The following CCDC148 variants were observed in gnomAD, a reference collection of about 807,000 sequenced individuals.
The protein encoded by CCDC148 is coiled-coil domain containing 148.
Under a neutral mutation model 85.7 loss-of-function variants are expected in CCDC148, and 89 were observed. The ratio of observed to expected loss-of-function variants is 1.04; its 90% CI spans 0.87 to 1.24. CCDC148 has a LOEUF of 1.24. Among genes scored for constraint, CCDC148 ranks in the 50% most tolerant of loss-of-function variants. CCDC148 has a pLI of 0.00. For missense variants in CCDC148, 692 were observed against 671.7 expected (o/e 1.03, Z -0.33); for synonymous variants, 230 against 213.9 (o/e 1.08, Z -0.66).
chr2:158,434,955 C>T (rs1181473370), intron 1 of CCDC148, among the ~76,000 whole-genome samples: 1 of 152,116 alleles, frequency 6.6e-6, no homozygotes, highest in Non-Finnish European at 1.5e-5. Context: ...TGAACAAAGC[C>T]TCCAAGAAAT....
intron 11 of CCDC148, among the ~76,000 whole-genome samples, chr2:158,188,793 T>C (rs113492088): frequency 1.3e-5 from 2 of 151,928 alleles, no homozygotes; most frequent in African/African-American, 4.8e-5. Flanking sequence ...TCTCAACAGA[T>C]TGAACAGACA....
chr2:158,191,721 A>T (rs774630486), intron 11 of CCDC148, among the ~76,000 whole-genome samples: 9 of 152,006 alleles, frequency 5.9e-5, no homozygotes, highest in Non-Finnish European at 1.2e-4. Context: ...TGACTCTGCC[A>T]AGTCACACCT....
At chr2:158,400,430 A>C (rs1574755621) in intron 1 of CCDC148, among the ~76,000 whole-genome samples, 1 of 152,198 alleles carries the variant, frequency 6.6e-6, no homozygotes, top group Non-Finnish European at 1.5e-5. Context: ...CTGATCTTTG[A>C]CAAACCTGAC....
intron 9 of CCDC148, among the ~76,000 whole-genome samples, chr2:158,296,747 A>G (rs1480395476): frequency 6.6e-6 from 1 of 152,200 alleles, no homozygotes; most frequent in Non-Finnish European, 1.5e-5. Context: ...GATACACTTT[A>G]AAAACTAAGA....
chr2:158,309,613 T>G lies in CCDC148; in HGVS notation c.930A>C (p.Gln310His). The G allele has an allele frequency of 6.2e-7, 1 of 1,613,330 alleles. No homozygotes were observed. The highest frequency in any genetic ancestry group is 1.1e-5 in the South Asian group (1 of 90,990). ...TTTGCTGCTCTATAGCAAAGCGATA[T>G]TGGTCACAATATTTCTCGTGTTCAA... ...DLVEHEKYCDQYRFAIEQQNI... is the reference protein window; with the variant it reads ...DLVEHEKYCDHYRFAIEQQNI... Residue 310 changes from glutamine to histidine, a missense_variant, in exon 9 of 14, where the codon CAA becomes CAC. By Grantham distance (24) the Gln-to-His change is conservative. Transcript: ENST00000283233.
chr2:158,173,532 T>G (rs572777839), intron 13 of CCDC148, among the ~76,000 whole-genome samples: 1 of 152,200 alleles, frequency 6.6e-6, no homozygotes, highest in African/African-American at 2.4e-5. Context: ...GTTAGGAATT[T>G]ACTACAATTG....
At position 158,178,907 on chromosome 2, in the gene CCDC148, GCT is replaced by G. The variant is rs1388959045; in HGVS notation, c.1458_1459del (p.Arg486SerfsTer8). The G allele has an allele frequency of 9.9e-6, 16 of 1,613,356 alleles. No homozygotes were observed. The highest frequency in any genetic ancestry group is 9.9e-5 in the South Asian group (9 of 91,028). Reference sequence around the variant, plus strand: ...TTTCCTAAGGGCTTCTAGCCGCCGTGCTCTCTCTTTGTCTTCATGAGCTTCTT... The same window carrying G: ...TTTCCTAAGGGCTTCTAGCCGCCGTGCTCTCTTTGTCTTCATGAGCTTCTT... On this transcript the variant is annotated frameshift_variant, in exon 12 of 14. Transcript: ENST00000283233. LOFTEE classifies it high-confidence loss of function.
At chr2:158,407,721 C>T (rs896757123) in intron 1 of CCDC148, among the ~76,000 whole-genome samples, 1 of 152,098 alleles carries the variant, frequency 6.6e-6, no homozygotes, top group Non-Finnish European at 1.5e-5. Context: ...TAAACTGGTC[C>T]ATGGCTGGAA....
Position 158,270,698 on chromosome 2 carries a change from T to C in CCDC148, c.1111-19786A>G, listed in dbSNP as rs545463556. ...CCGAAGGATAGATTTCTCAAGTTCC[T>C]TGATGGTGATACAAATATAGCTCAA... On this transcript the variant is annotated intron_variant, in intron 9 of 13. Transcript: ENST00000283233. Among the ~76,000 whole-genome samples, 29 of 152,320 alleles carry C rather than the reference T, an allele frequency of 1.9e-4. 1 individual carries two copies. The East Asian group carries it at 2.1e-3, about 11-fold the overall frequency.
chr2:158,172,168 AT>A lies in CCDC148; in HGVS notation c.1720del (p.Ile574LeufsTer33), dbSNP rs1574329567. The A allele has an allele frequency of 6.2e-7, 1 of 1,610,108 alleles. No individual in the cohort carries two copies. The highest frequency in any genetic ancestry group is 8.5e-7 in the Non-Finnish European group (1 of 1,177,582). The part of the protein sequence containing the change: ...TLYAKEILPK[I>X]SPQKPPRKDM... ...CTTTCTTGGAGGTTTTTGAGGACTA[AT>A]TTTTGGTAATATCTCTTTAGCATAA... On this transcript the variant is annotated frameshift_variant, in exon 14 of 14. Transcript: ENST00000283233. LOFTEE classifies it high-confidence loss of function.
intron 1 of CCDC148, among the ~76,000 whole-genome samples, chr2:158,433,618 T>C (rs191405548): frequency 6.6e-6 from 1 of 152,128 alleles, no homozygotes; most frequent in Non-Finnish European, 1.5e-5. Context: ...TTCATCTCAC[T>C]GCGGCTTGTC....
In CCDC148 at chr2:158,178,979, T is replaced by A; in HGVS notation, c.1388A>T (p.Glu463Val). 1 of 1,612,768 alleles carries A rather than the reference T, an allele frequency of 6.2e-7. No individual in the cohort carries two copies. The highest frequency in any genetic ancestry group is 8.5e-7 in the Non-Finnish European group (1 of 1,179,226). Residue 463 changes from glutamate to valine, a missense_variant, in exon 12 of 14, where the codon GAA (glutamate) becomes GTA (valine). Transcript: ENST00000283233. ...CTCCATCAAACGCCTTTCCAATAATTCTTGTCTATATTTAACCCTTTAAAA... is the reference window on the plus strand; with the variant it reads ...CTCCATCAAACGCCTTTCCAATAATACTTGTCTATATTTAACCCTTTAAAA... ...KDRERVKYRQ[E>V]LLERRLMEKK... is the part of the protein sequence containing the mutation.
intron 1 of CCDC148, among the ~76,000 whole-genome samples, chr2:158,437,001 A>G (rs1687688073): frequency 6.6e-6 from 1 of 152,206 alleles, no homozygotes; most frequent in African/African-American, 2.4e-5. Flanking sequence ...TACAAACCAA[A>G]AAAAGTCCAG....
At chr2:158,226,841 T>A (rs377156498) in intron 10 of CCDC148, among the ~76,000 whole-genome samples, 1 of 151,706 alleles carries the variant, frequency 6.6e-6, no homozygotes, top group African/African-American at 2.4e-5. Context: ...AAACCCACAG[T>A]CAATATCATA....
chr2:158,260,867 G>C (rs1049444787), intron 9 of CCDC148, among the ~76,000 whole-genome samples: 1 of 151,854 alleles, frequency 6.6e-6, no homozygotes, highest in Non-Finnish European at 1.5e-5. Flanking sequence ...AATCAGAGTA[G>C]ACACAAACAA....
rs538186425 is a variant in CCDC148, at chr2:158,246,018, G to A, written c.1251+4754C>T. ...CTGGGCAACTGCAAGGGTAAAATTA[G>A]CATCGAATACAAACCAAAATATTAT... On this transcript the variant is annotated intron_variant, in intron 10 of 13. Transcript: ENST00000283233. Among the ~76,000 whole-genome samples the A allele has an allele frequency of 1.2e-4, 18 of 152,276 alleles. No individual in the cohort carries two copies. In the South Asian group the frequency reaches 3.5e-3, roughly 30 times the overall value.
chr2:158,242,132 C>T (rs1390804633), intron 10 of CCDC148, among the ~76,000 whole-genome samples: 1 of 152,096 alleles, frequency 6.6e-6, no homozygotes, highest in Non-Finnish European at 1.5e-5. Context: ...TATAGTTCTG[C>T]CATTCTAGAG....
At chr2:158,391,181 G>A (rs1685289372) in intron 1 of CCDC148, among the ~76,000 whole-genome samples, 1 of 152,136 alleles carries the variant, frequency 6.6e-6, no homozygotes, top group African/African-American at 2.4e-5. Flanking sequence ...CTCTTGTGAT[G>A]ATGAACCGTG....
intron 7 of CCDC148, among the ~76,000 whole-genome samples, chr2:158,325,116 TA>T (rs1692710024): frequency 6.7e-6 from 1 of 149,546 alleles, no homozygotes; most frequent in South Asian, 2.1e-4. Context: ...AATAACTACA[TA>T]AAAGCCTGGC....
Sources: gnomAD v4.1 joint callset for allele counts (sites outside exome capture counted in the v4.1 genomes callset) on GRCh38, gnomAD v4.1.1 for gene constraint, MANE v1.5 for transcripts, NCBI Gene and HGNC (gene_info 2026-07-23, HGNC 2026-07-21) for gene names.